RCSD1: variants seen among roughly 807,000 people sequenced by gnomAD.
RCSD1 encodes capZ-interacting protein.
A neutral mutation model predicts 42.5 loss-of-function variants in RCSD1; 26 were observed. The ratio of observed to expected loss-of-function variants is 0.61; its 90% CI spans 0.45 to 0.85. The LOEUF is 0.85. Among genes scored for constraint, RCSD1 ranks in the 40% least tolerant of loss-of-function variants. The pLI is 0.00. For missense variants in RCSD1, 571 were observed against 528.3 expected (o/e 1.08, Z -0.79); for synonymous variants, 220 against 212.2 (o/e 1.04, Z -0.32).
At chr1:167,647,302 C>A (rs1658182018) in intron 1 of RCSD1, among the ~76,000 whole-genome samples, 1 of 151,852 alleles carries the variant, frequency 6.6e-6, no homozygotes, top group South Asian at 2.1e-4. Flanking sequence ...ATTTTTAAAA[C>A]AAGGGGCCAA....
chr1:167,668,731 T>G, intron 1 of RCSD1, among the ~76,000 whole-genome samples: 1 of 123,060 alleles, frequency 8.1e-6, no homozygotes, highest in East Asian at 2.8e-4. Flanking sequence ...ATGTCCAAGA[T>G]GTACTAAAAA....
At chr1:167,667,173 G>T (rs535840203) in intron 1 of RCSD1, among the ~76,000 whole-genome samples, 3 of 152,132 alleles carry the variant, frequency 2.0e-5, no homozygotes, top group Non-Finnish European at 4.4e-5. Context: ...AAGGGAGGGG[G>T]CGCCTATCCC....
At chr1:167,644,362 C>T (rs1658078550) in intron 1 of RCSD1, among the ~76,000 whole-genome samples, 1 of 151,976 alleles carries the variant, frequency 6.6e-6, no homozygotes, top group South Asian at 2.1e-4. Flanking sequence ...GCCTATAATC[C>T]CACCTACTCA....
chr1:167,675,205 CG>C (rs199948020), intron 1 of RCSD1, among the ~76,000 whole-genome samples: 2 of 91,774 alleles, frequency 2.2e-5, no homozygotes, highest in African/African-American at 1.1e-4. Flanking sequence ...GACTCCATCT[CG>C]GAAAAAAAAA....
At position 167,632,438 on chromosome 1, in the gene RCSD1, C is replaced by G. The variant is rs139857134; in HGVS notation, c.6+2009C>G. On this transcript the variant is annotated intron_variant, in intron 1 of 6. Coordinates refer to ENST00000367854, the MANE Select transcript of RCSD1 (RefSeq NM_052862.4). ...GGGTCTCCTTCCACAGAGGCAGTTT[C>G]TCCCCCCTCAGATGAGGAAGGAATA... 3.1e-3 allele frequency among the ~76,000 whole-genome samples: 472 copies of G among 152,298 alleles called. 1 individual carries two copies. Among genetic ancestry groups the G allele is most frequent in the Non-Finnish European group, 4.5e-3 (304 of 68,018 alleles).
At position 167,708,097 on chromosome 1, in the gene RCSD1, C is replaced by T. The variant is rs1434200501; in HGVS notation, c.*3401C>T. ...AAGTCCTGTAGAGGCTTTCCATAGG[C>T]CCTGTGTGACTCACGTGTCTATACC... is the stretch of plus-strand genomic sequence containing the variant. On this transcript the variant is annotated 3_prime_UTR_variant, in exon 7 of 7. Transcript: ENST00000367854. 6.6e-6 allele frequency among the ~76,000 whole-genome samples: 1 copy of T among 152,174 alleles called. No individual in the cohort carries two copies. The highest frequency in any genetic ancestry group is 1.5e-5 in the Non-Finnish European group (1 of 68,042).
In RCSD1 at chr1:167,701,678, A is replaced by G. The variant is rs537430825; in HGVS notation, c.1219-2986A>G. ...TGTCCATGGTCACAGAGCTCAGTCA[A>G]TGTTGACATATTAGGCACCTGCCCA... On this transcript the variant is annotated intron_variant, in intron 6 of 6. Coordinates refer to ENST00000367854, the MANE Select transcript of RCSD1 (RefSeq NM_052862.4). Among the ~76,000 whole-genome samples the G allele has an allele frequency of 5.9e-5, 9 of 152,288 alleles. No homozygotes were observed. In the South Asian group the frequency reaches 8.3e-4, roughly 14 times the overall value.
chr1:167,630,280 G>A lies in RCSD1; in HGVS notation c.-144G>A. On this transcript the variant is annotated 5_prime_UTR_variant, in exon 1 of 7. Coordinates refer to ENST00000367854, the MANE Select transcript of RCSD1 (RefSeq NM_052862.4). ...CGGGGCAGTCCCGCAGCCGAGCGCA[G>A]CCGGGCGCGCGCCACCGCCCACTCG... 1 of 764,478 alleles carries A rather than the reference G, an allele frequency of 1.3e-6. No individual in the cohort carries two copies. The allele number at this position is 764,478 out of a possible 1,614,324, so 47.4% of individuals were successfully genotyped here.
At chr1:167,690,615 A>G (rs1337435853) in intron 4 of RCSD1, among the ~76,000 whole-genome samples, 1 of 152,140 alleles carries the variant, frequency 6.6e-6, no homozygotes, top group Non-Finnish European at 1.5e-5. Context: ...TTGAGACTGT[A>G]TTGAGCTGAG....
intron 1 of RCSD1, among the ~76,000 whole-genome samples, chr1:167,649,987 G>A (rs560936238): frequency 2.0e-5 from 3 of 152,300 alleles, no homozygotes; most frequent in East Asian, 1.9e-4. Flanking sequence ...GTGTTAACAC[G>A]TTGCAGGAGG....
intron 1 of RCSD1, among the ~76,000 whole-genome samples, chr1:167,653,181 C>T (rs958365740): frequency 5.3e-5 from 8 of 152,204 alleles, no homozygotes; most frequent in Non-Finnish European, 5.9e-5. Context: ...TAATGACTGT[C>T]AATGTCATGT....
At chr1:167,663,022 CAGA>C (rs548679709) in intron 1 of RCSD1, among the ~76,000 whole-genome samples, 12 of 152,186 alleles carry the variant, frequency 7.9e-5, no homozygotes, top group Non-Finnish European at 1.8e-4. Context: ...ACAGATGAAG[CAGA>C]AGGTCATCAG....
chr1:167,647,425 C>CAAA (rs35279177), intron 1 of RCSD1, among the ~76,000 whole-genome samples: 1 of 128,374 alleles, frequency 7.8e-6, no homozygotes, highest in Non-Finnish European at 1.7e-5. Context: ...CCCATCGCTA[C>CAAA]AAAAAAAAAA....
chr1:167,697,874 G>A, intron 6 of RCSD1, 32 bp downstream of exon 6: 1 of 1,447,162 alleles, frequency 6.9e-7, no homozygotes, highest in Non-Finnish European at 9.1e-7. Flanking sequence ...CATGCAGAAG[G>A]CAGTGCCAGG....
intron 6 of RCSD1, among the ~76,000 whole-genome samples, chr1:167,698,312 AG>A (rs1659551269): frequency 6.6e-6 from 1 of 152,248 alleles, no homozygotes; most frequent in Admixed American, 6.5e-5. Context: ...GGCAGTGGAC[AG>A]GGGGCATTCC....
At chr1:167,641,184 G>T (rs1448136969) in intron 1 of RCSD1, among the ~76,000 whole-genome samples, 1 of 152,058 alleles carries the variant, frequency 6.6e-6, no homozygotes, top group Non-Finnish European at 1.5e-5. Flanking sequence ...GGCCGCTATG[G>T]AGCATTTCCA....
rs114315812 is a variant in RCSD1 at position 167,671,881 on chromosome 1, C to T, written c.7-12019C>T. Reference sequence around the variant, plus strand: ...CAGAACTTGTCATTCCCTGAGGCTCCCCTGGCCTTGAACTCCTCAACTGTG... The same window carrying T: ...CAGAACTTGTCATTCCCTGAGGCTCTCCTGGCCTTGAACTCCTCAACTGTG... On this transcript the variant is annotated intron_variant, in intron 1 of 6. Coordinates refer to ENST00000367854, the MANE Select transcript of RCSD1 (RefSeq NM_052862.4). Among the ~76,000 whole-genome samples, 645 of 152,326 alleles carry T rather than the reference C, an allele frequency of 4.2e-3. 7 individuals carry two copies. Among genetic ancestry groups the T allele is most frequent in the African/African-American group, 0.015 (607 of 41,570 alleles).
chr1:167,634,657 A>G (rs1477854406), intron 1 of RCSD1, among the ~76,000 whole-genome samples: 5 of 152,226 alleles, frequency 3.3e-5, no homozygotes, highest in Admixed American at 3.3e-4. Flanking sequence ...GAAAAAAAGT[A>G]TAATTTTCGC....
At chr1:167,672,702 T>G (rs1208939612) in intron 1 of RCSD1, among the ~76,000 whole-genome samples, 1 of 152,230 alleles carries the variant, frequency 6.6e-6, no homozygotes, top group Non-Finnish European at 1.5e-5. Flanking sequence ...TAATTCCATC[T>G]GTAACCTTAA....
Sources: gnomAD v4.1 joint callset for allele counts (sites outside exome capture counted in the v4.1 genomes callset) on GRCh38, gnomAD v4.1.1 for gene constraint, MANE v1.5 for transcripts, NCBI Gene and HGNC (gene_info 2026-07-23, HGNC 2026-07-21) for gene names.